GNG4: variants seen among roughly 807,000 people sequenced by gnomAD.
The protein encoded by GNG4 is G protein subunit gamma 4.
GNG4 carries 4 observed loss-of-function variants against 5.8 expected under a neutral mutation model. The ratio of observed to expected loss-of-function variants is 0.69; its 90% CI spans 0.34 to 1.57. The LOEUF (loss-of-function observed/expected upper bound fraction) is 1.57. Ranked by LOEUF, GNG4 falls within the 40% of genes most tolerant of loss-of-function variation. The pLI is 0.06. For missense variants in GNG4, 96 were observed against 95.1 expected (o/e 1.01, Z -0.04); for synonymous variants, 29 against 32.9 (o/e 0.88, Z 0.41).
At chr1:235,577,013 C>T (rs1687499210) in intron 3 of GNG4, among the ~76,000 whole-genome samples, 1 of 152,230 alleles carries the variant, frequency 6.6e-6, no homozygotes, top group Non-Finnish European at 1.5e-5. Flanking sequence ...AACCCCAGAA[C>T]TGCTTAATGC....
In GNG4 at chr1:235,551,465, C is replaced by T. The variant is rs1335287046; in HGVS notation, c.*644G>A. 6.6e-6 allele frequency: 1 copy of T among 152,298 alleles called. No homozygotes were observed. Among genetic ancestry groups the T allele is most frequent in the African/African-American group, 2.4e-5 (1 of 41,414 alleles). 9.4% of individuals were successfully genotyped at this position (152,298 alleles called of 1,614,324 possible). ...GGCTGAGGCAGGAGAATCGCTTGAA[C>T]CCAGGAGGTGGAGGTCGCAGTGAGC... On this transcript the variant is annotated 3_prime_UTR_variant, in exon 4 of 4. Coordinates refer to ENST00000391854, the MANE Select transcript of GNG4 (RefSeq NM_001098722.2).
chr1:235,576,572 C>T (rs6672878), intron 3 of GNG4, among the ~76,000 whole-genome samples: 4,445 of 152,080 alleles, frequency 0.029, 216 homozygotes, highest in African/African-American at 0.1. Context: ...ATGGTGAATC[C>T]TCCTCATGCC....
chr1:235,609,173 T>C (rs1688425145), intron 1 of GNG4, among the ~76,000 whole-genome samples: 1 of 152,160 alleles, frequency 6.6e-6, no homozygotes, highest in Non-Finnish European at 1.5e-5. Flanking sequence ...GATTCATGCA[T>C]GTTGTAGCAT....
chr1:235,610,956 C>G (rs2102968759), intron 1 of GNG4, among the ~76,000 whole-genome samples: 1 of 152,244 alleles, frequency 6.6e-6, no homozygotes, highest in East Asian at 1.9e-4. Context: ...GGCGTGGTGG[C>G]CCATGCCTGT....
Position 235,644,651 on chromosome 1 carries a change from A to G in GNG4, c.-123+5011T>C, listed in dbSNP as rs980985040. ...TGATACGCAAAGTTAACTGGGGCAC[A>G]GAGAAAACAGAATTTTCCCAAGATT... On this transcript the variant is annotated intron_variant, in intron 1 of 3. Transcript: ENST00000391854. The surrounding 1 kb of genome is among the most constrained non-coding windows in gnomAD (Gnocchi z 5.9). Among the ~76,000 whole-genome samples, 1 of 152,256 alleles carries G rather than the reference A, an allele frequency of 6.6e-6. No homozygotes were observed. The highest frequency in any genetic ancestry group is 2.4e-5 in the African/African-American group (1 of 41,470).
chr1:235,563,761 A>G (rs1442768144), intron 3 of GNG4, among the ~76,000 whole-genome samples: 1 of 152,218 alleles, frequency 6.6e-6, no homozygotes, highest in Non-Finnish European at 1.5e-5. Context: ...ATCTGAGGGA[A>G]AAGACATTAG....
intron 1 of GNG4, among the ~76,000 whole-genome samples, chr1:235,604,340 G>A (rs1239114328): frequency 2.0e-5 from 3 of 152,240 alleles, no homozygotes; most frequent in Admixed American, 6.5e-5. Flanking sequence ...GAGCGATGGC[G>A]TGGCTGGGCC....
intron 1 of GNG4, among the ~76,000 whole-genome samples, chr1:235,602,096 A>AC (rs1688268890): frequency 6.6e-6 from 1 of 152,090 alleles, no homozygotes. Context: ...ACATAGTGAA[A>AC]CCCCGTCTCT....
chr1:235,627,211 TTTTG>T (rs1177054877), intron 1 of GNG4, among the ~76,000 whole-genome samples: 2 of 151,720 alleles, frequency 1.3e-5, no homozygotes, highest in Non-Finnish European at 2.9e-5. Context: ...TGACATAGTT[TTTTG>T]TTTGTTTGTT....
Position 235,642,078 on chromosome 1 carries a change from A to C in GNG4, c.-123+7584T>G, listed in dbSNP as rs895060601. Among the ~76,000 whole-genome samples the C allele has an allele frequency of 6.6e-6, 1 of 152,248 alleles. No individual in the cohort carries two copies. Among genetic ancestry groups the C allele is most frequent in the Non-Finnish European group, 1.5e-5 (1 of 68,054 alleles). ...CTAGAGCTTCCAACGTACAGTGCGG[A>C]AAAGCAACATAACACACTAAGAACC... On this transcript the variant is annotated intron_variant, in intron 1 of 3. Transcript: ENST00000391854. The surrounding 1 kb of genome is among the most constrained non-coding windows in gnomAD (Gnocchi z 4.3).
chr1:235,582,228 C>T (rs1230923386), intron 3 of GNG4, among the ~76,000 whole-genome samples: 2 of 152,250 alleles, frequency 1.3e-5, no homozygotes, highest in Non-Finnish European at 2.9e-5. Context: ...CCGTCTATTG[C>T]TTACAGGTTG....
chr1:235,575,821 A>G (rs981246968), intron 3 of GNG4, among the ~76,000 whole-genome samples: 2 of 152,130 alleles, frequency 1.3e-5, no homozygotes, highest in Non-Finnish European at 2.9e-5. Flanking sequence ...ACCCTGAGGG[A>G]TGGCACGTGG....
chr1:235,613,275 G>A (rs978881085), intron 1 of GNG4, among the ~76,000 whole-genome samples: 1 of 152,152 alleles, frequency 6.6e-6, no homozygotes, highest in African/African-American at 2.4e-5. Context: ...AATGTTGCCT[G>A]GCAATGTAGT....
intron 1 of GNG4, among the ~76,000 whole-genome samples, chr1:235,639,517 A>G (rs1488309490): frequency 6.6e-6 from 1 of 151,166 alleles, no homozygotes; most frequent in Non-Finnish European, 1.5e-5. Flanking sequence ...TTCTGTGTTG[A>G]GGTGGGAGCT....
At position 235,552,080 on chromosome 1, in the gene GNG4, A is replaced by C. The variant is rs1686764364; in HGVS notation, c.*29T>G. The C allele has an allele frequency of 1.9e-6, 3 of 1,611,332 alleles. No homozygotes were observed. The highest frequency in any genetic ancestry group is 1.3e-5 in the African/African-American group (1 of 74,976). ...CTCTACAGGGGACTTTGAAGGTCAG[A>C]AAAGGAGGCGTTTTCATCACACACG... On this transcript the variant is annotated 3_prime_UTR_variant, in exon 4 of 4. Coordinates refer to ENST00000391854, the MANE Select transcript of GNG4 (RefSeq NM_001098722.2).
In GNG4 at chr1:235,552,281, G is replaced by A. The variant is rs1158274194; in HGVS notation, c.100-44C>T. On this transcript the variant is annotated intron_variant, in intron 3 of 3. Transcript: ENST00000391854. The stretch of plus-strand genomic sequence containing the variant: ...CAGGTGCTCAGTTAAAGGCCCCTTT[G>A]CAGAGTGAGTCCAGGGAAGAGGTGT... The A allele has an allele frequency of 1.9e-6, 3 of 1,599,726 alleles. No homozygotes were observed. In the African/African-American group the frequency reaches 4.0e-5, roughly 21 times the overall value.
chr1:235,632,113 T>C (rs1440189579), intron 1 of GNG4, among the ~76,000 whole-genome samples: 1 of 152,082 alleles, frequency 6.6e-6, no homozygotes, highest in African/African-American at 2.4e-5. Context: ...AGAGACAGGT[T>C]CTTGCTCTGT....
intron 3 of GNG4, among the ~76,000 whole-genome samples, chr1:235,571,241 C>T (rs1571884268): frequency 6.6e-6 from 1 of 152,312 alleles, no homozygotes; most frequent in African/African-American, 2.4e-5. Flanking sequence ...GAGGCGTCAG[C>T]AATCAAGAGA....
At chr1:235,629,875 A>G (rs1688897337) in intron 1 of GNG4, among the ~76,000 whole-genome samples, 1 of 152,056 alleles carries the variant, frequency 6.6e-6, no homozygotes, top group Non-Finnish European at 1.5e-5. Flanking sequence ...TACAGGCATG[A>G]GCCACCATGC....
Sources: allele counts gnomAD v4.1 joint callset (sites outside exome capture counted in the v4.1 genomes callset), GRCh38; gene constraint gnomAD v4.1.1; non-coding constraint Gnocchi (gnomAD v3.1); transcripts MANE v1.5; gene names NCBI Gene and HGNC (gene_info 2026-07-23, HGNC 2026-07-21).